Variants in GULP1 observed in about 807,000 individuals in gnomAD.
GULP1 encodes the protein GULP PTB domain containing engulfment adaptor 1.
GULP1 carries 19 observed loss-of-function variants against 40.9 expected under a neutral mutation model. The ratio of observed to expected loss-of-function variants is 0.46; its 90% CI spans 0.32 to 0.68. The LOEUF (loss-of-function observed/expected upper bound fraction) is 0.68, where lower values mean the gene tolerates loss of function less well. GULP1 is among the 30% of genes least tolerant of loss of function. The pLI is 0.03. For synonymous variants in GULP1, 119 were observed against 117.6 expected, an observed-to-expected ratio of 1.01 and a Z score of -0.08; for missense variants, 312 against 362.2, an observed-to-expected ratio of 0.86 and a Z score of 1.12.
chr2:188,384,712 G>C (rs904753492), intron 2 of GULP1, among the ~76,000 whole-genome samples: 2 of 152,144 alleles, frequency 1.3e-5, no homozygotes, highest in Non-Finnish European at 1.5e-5. Context: ...AGATAAAATA[G>C]GGTACAGGAA....
At chr2:188,448,232 A>G (rs115434125) in intron 2 of GULP1, among the ~76,000 whole-genome samples, 2,739 of 152,278 alleles carry the variant, frequency 0.018, 82 homozygotes, top group African/African-American at 0.061. Context: ...TGTTAATAAT[A>G]TCTAGTTTTA....
At chr2:188,435,032 G>A (rs907459102) in intron 2 of GULP1, among the ~76,000 whole-genome samples, 4 of 151,850 alleles carry the variant, frequency 2.6e-5, no homozygotes, top group Non-Finnish European at 5.9e-5. Context: ...TTATAATTTT[G>A]TAACTCTCAA....
chr2:188,497,129 T>A (rs1389704620), intron 4 of GULP1, among the ~76,000 whole-genome samples: 3 of 151,988 alleles, frequency 2.0e-5, no homozygotes, highest in African/African-American at 7.2e-5. Context: ...TTTGAAAAAG[T>A]AATTAAGATG....
chr2:188,322,937 C>T (rs149734208), intron 1 of GULP1, among the ~76,000 whole-genome samples: 193 of 152,198 alleles, frequency 1.3e-3, no homozygotes, highest in Non-Finnish European at 1.7e-3. Flanking sequence ...TTTGTCAAGA[C>T]CTCTTTATCT....
intron 4 of GULP1, among the ~76,000 whole-genome samples, chr2:188,507,207 T>C (rs2153185438): frequency 6.6e-6 from 1 of 151,948 alleles, no homozygotes; most frequent in South Asian, 2.1e-4. Context: ...CTTTATAAAA[T>C]GCTATCTATC....
At chr2:188,452,684 G>A (rs2152924343) in intron 2 of GULP1, among the ~76,000 whole-genome samples, 1 of 152,258 alleles carries the variant, frequency 6.6e-6, no homozygotes, top group African/African-American at 2.4e-5. Context: ...ACCTACTTGG[G>A]AAGCACTAGT....
At chr2:188,404,794 C>T (rs1438061660) in intron 2 of GULP1, among the ~76,000 whole-genome samples, 1 of 152,152 alleles carries the variant, frequency 6.6e-6, no homozygotes, top group African/African-American at 2.4e-5. Context: ...CACCTGTGGA[C>T]CCAGGCTGCA....
Position 188,569,347 on chromosome 2 carries a change from C to CA in GULP1, c.514dup (p.Arg172LysfsTer13), listed in dbSNP as rs1419409912. 2.0e-6 allele frequency: 3 copies of CA among 1,480,154 alleles called. No individual in the cohort carries two copies. The highest frequency in any genetic ancestry group is 1.4e-5 in the African/African-American group (1 of 72,290). The allele number at this position is 1,480,154 out of a possible 1,614,324, so 91.7% of individuals were successfully genotyped here. ...AACAAGAAAACAGATCGCAGGGTTA[C>CA]AAAAAAGAGTGAGTAAACTAAGCTT... On this transcript the variant is annotated frameshift_variant, in exon 8 of 12. Coordinates refer to ENST00000409830, the MANE Select transcript of GULP1 (RefSeq NM_016315.4). LOFTEE classifies it high-confidence loss of function.
Position 188,336,673 on chromosome 2 carries a change from G to A in GULP1, c.-172+44507G>A, listed in dbSNP as rs1180361881. On this transcript the variant is annotated intron_variant, in intron 1 of 11. Transcript: ENST00000409830. The stretch of plus-strand genomic sequence containing the variant: ...GTCTTCACTGAAGAAATAACATTTG[G>A]TATCTGAGAACAAAGCAATAGTTAG... Among the ~76,000 whole-genome samples the A allele has an allele frequency of 2.0e-5, 3 of 152,148 alleles. No homozygotes were observed. In the East Asian group the frequency reaches 5.8e-4, roughly 29 times the overall value.
chr2:188,354,845 G>A (rs542266410), intron 1 of GULP1, among the ~76,000 whole-genome samples: 96 of 152,152 alleles, frequency 6.3e-4, no homozygotes, highest in Non-Finnish European at 1.2e-3. Flanking sequence ...CTGATATCAA[G>A]TATCTTTTCT....
chr2:188,383,192 C>G (rs1559174878), intron 1 of GULP1, among the ~76,000 whole-genome samples: 1 of 152,056 alleles, frequency 6.6e-6, no homozygotes, highest in African/African-American at 2.4e-5. Context: ...GTTGTGTCTA[C>G]CCAGAAAGAA....
intron 1 of GULP1, among the ~76,000 whole-genome samples, chr2:188,313,658 A>G (rs922592587): frequency 8.5e-5 from 13 of 152,110 alleles, no homozygotes; most frequent in African/African-American, 1.9e-4. Context: ...AAGAATGTCA[A>G]TGGTAGTTTG....
At chr2:188,395,490 A>G (rs1436945132) in intron 2 of GULP1, among the ~76,000 whole-genome samples, 3 of 152,150 alleles carry the variant, frequency 2.0e-5, no homozygotes, top group Non-Finnish European at 4.4e-5. Context: ...CTCTTCTCCA[A>G]GACCCTTCAT....
chr2:188,575,218 T>C (rs1699934128), intron 9 of GULP1, among the ~76,000 whole-genome samples: 3 of 152,212 alleles, frequency 2.0e-5, no homozygotes, highest in Admixed American at 2.0e-4. Flanking sequence ...TAGTAGACCG[T>C]ATGTTACAAT....
At chr2:188,504,448 T>C (rs2063718503) in intron 4 of GULP1, among the ~76,000 whole-genome samples, 1 of 151,902 alleles carries the variant, frequency 6.6e-6, no homozygotes, top group African/African-American at 2.4e-5. Context: ...ATAAATTAAA[T>C]GTTGTTATAA....
intron 2 of GULP1, among the ~76,000 whole-genome samples, chr2:188,403,344 T>C (rs2052585160): frequency 6.6e-6 from 1 of 152,150 alleles, no homozygotes; most frequent in Admixed American, 6.5e-5. Flanking sequence ...CATTTTGAGA[T>C]AGTAACACAT....
chr2:188,582,176 A>C (rs926497026), intron 9 of GULP1, among the ~76,000 whole-genome samples: 1 of 152,228 alleles, frequency 6.6e-6, no homozygotes, highest in African/African-American at 2.4e-5. Context: ...ACTATCACAT[A>C]GGAAAATCAA....
chr2:188,318,505 G>C (rs2039474589), intron 1 of GULP1, among the ~76,000 whole-genome samples: 1 of 152,110 alleles, frequency 6.6e-6, no homozygotes, highest in Non-Finnish European at 1.5e-5. Context: ...TGAGGCAGAA[G>C]GTGGGACTCA....
intron 2 of GULP1, among the ~76,000 whole-genome samples, chr2:188,392,068 T>C (rs1223054594): frequency 6.6e-6 from 1 of 152,062 alleles, no homozygotes; most frequent in African/African-American, 2.4e-5. Context: ...GGTCTATTGT[T>C]TTCTTGTTTT....
Sources: gnomAD v4.1 joint callset for allele counts (sites outside exome capture counted in the v4.1 genomes callset) on GRCh38, gnomAD v4.1.1 for gene constraint, MANE v1.5 for transcripts, NCBI Gene and HGNC (gene_info 2026-07-23, HGNC 2026-07-21) for gene names.